Variants in ZYG11B observed in about 807,000 individuals in gnomAD.
The protein encoded by ZYG11B is protein zyg-11 homolog B.
In ZYG11B, 36 loss-of-function variants were observed where a neutral mutation model predicts 82.4. That is an observed-to-expected ratio of 0.44 (90% CI 0.33 to 0.58). The LOEUF (loss-of-function observed/expected upper bound fraction) is 0.58. Ranked by LOEUF, ZYG11B falls within the 20% of genes least tolerant of loss-of-function variation. The pLI is 0.02. For synonymous variants in ZYG11B, 303 were observed against 312.8 expected (o/e 0.97, Z 0.33); for missense variants, 552 against 895.6 (o/e 0.62, Z 4.90).
chr1:52,732,947 G>A (rs927666930), intron 1 of ZYG11B, among the ~76,000 whole-genome samples: 3 of 152,018 alleles, frequency 2.0e-5, no homozygotes, highest in African/African-American at 4.8e-5. Context: ...TTGCACTCCA[G>A]CCTGGGCAAA....
intron 13 of ZYG11B, among the ~76,000 whole-genome samples, chr1:52,820,314 G>T (rs1181660195): frequency 6.6e-6 from 1 of 151,384 alleles, no homozygotes; most frequent in African/African-American, 2.4e-5. Context: ...GGCTTATTTT[G>T]TTTATATTTA....
chr1:52,776,795 T>G (rs1414607874), intron 3 of ZYG11B, among the ~76,000 whole-genome samples: 2 of 152,172 alleles, frequency 1.3e-5, no homozygotes, highest in Non-Finnish European at 2.9e-5. Flanking sequence ...GGTGATTCAA[T>G]GAACTGAACA....
chr1:52,783,967 CATAT>C (rs200233269), intron 4 of ZYG11B, among the ~76,000 whole-genome samples: 1 of 75,218 alleles, frequency 1.3e-5, no homozygotes, highest in African/African-American at 3.4e-5. Flanking sequence ...CACATACACA[CATAT>C]ACACACACAC....
chr1:52,745,864 G>GTT lies in ZYG11B; in HGVS notation c.31-10587_31-10586dup, dbSNP rs11388141. Among the ~76,000 whole-genome samples, 20 of 150,852 alleles carry GTT rather than the reference G, an allele frequency of 1.3e-4. No homozygotes were observed. The East Asian group carries it at 2.6e-3, about 19-fold the overall frequency. On this transcript the variant is annotated intron_variant, in intron 1 of 13. Coordinates refer to ENST00000294353, the MANE Select transcript of ZYG11B (RefSeq NM_024646.3). ...CAGGTGTGAGCCACTGCATCCAGCT[G>GTT]TTTTTTTTGTTTTGTTTTGTTTTGA...
At position 52,783,985 on chromosome 1, in the gene ZYG11B, C is replaced by T. The variant is rs199671960; in HGVS notation, c.1093-892C>T. Among the ~76,000 whole-genome samples the T allele has an allele frequency of 5.7e-3, 830 of 146,220 alleles. 14 individuals are homozygous for T. Among genetic ancestry groups the T allele is most frequent in the African/African-American group, 0.02 (795 of 39,518 alleles). ...ATACACACATATACACACACACACA[C>T]ATATATATATATAGAGAGAGAGAGA... On this transcript the variant is annotated intron_variant, in intron 4 of 13. Transcript: ENST00000294353.
chr1:52,783,859 T>TACATACACGTGTGC (rs1473333135), intron 4 of ZYG11B, among the ~76,000 whole-genome samples: 69 of 55,416 alleles, frequency 1.2e-3, no homozygotes, highest in Middle Eastern at 9.1e-3. Flanking sequence ...CACGTGTGTG[T>TACATACACGTGTGC]GTATGTACAT....
rs539140922 is a variant in ZYG11B at position 52,823,543 on chromosome 1, G to A, written c.*1914G>A. The A allele has an allele frequency of 3.5e-5, 5 of 141,740 alleles. No individual in the cohort carries two copies. The highest frequency in any genetic ancestry group is 6.1e-5 in the Non-Finnish European group (4 of 65,930). The allele number at this position is 141,740 out of a possible 1,614,324, so 8.8% of individuals were successfully genotyped here. On this transcript the variant is annotated 3_prime_UTR_variant, in exon 14 of 14. Transcript: ENST00000294353. ...GTTTTTTTTTTTTTTTTCCTTTTTCGAATGTTAATGTCTAAGACAAAGTTC... is the reference window on the plus strand; with the variant it reads ...GTTTTTTTTTTTTTTTTCCTTTTTCAAATGTTAATGTCTAAGACAAAGTTC...
chr1:52,816,492 T>TATGGGATG (rs1432215341), intron 12 of ZYG11B, 40 bp from the exon 13 acceptor site: 2 of 1,390,678 alleles, frequency 1.4e-6, no homozygotes, highest in Non-Finnish European at 2.0e-6. Flanking sequence ...TTACGCTAAA[T>TATGGGATG]ATGGGATGTA....
intron 2 of ZYG11B, among the ~76,000 whole-genome samples, chr1:52,757,175 T>C (rs554221335): frequency 1.3e-5 from 2 of 151,990 alleles, no homozygotes; most frequent in Admixed American, 1.3e-4. Context: ...GCTTGGCTAA[T>C]TTTTTTATTT....
At chr1:52,748,056 TTAG>T (rs1306818721) in intron 1 of ZYG11B, among the ~76,000 whole-genome samples, 1 of 152,198 alleles carries the variant, frequency 6.6e-6, no homozygotes, top group Admixed American at 6.6e-5. Flanking sequence ...AATTATGATA[TTAG>T]TAGAGTAGTT....
At chr1:52,776,229 A>AAAAAATATATATATATATATATATATAT in intron 3 of ZYG11B, among the ~76,000 whole-genome samples, 10 of 23,538 alleles carry the variant, frequency 4.2e-4, no homozygotes, top group South Asian at 2.4e-3. Context: ...TAAAAAAAAA[A>AAAAAATATATATATATATATATATATAT]ATATATATAT....
chr1:52,756,657 T>C (rs755375699), intron 2 of ZYG11B, 34 bp downstream of exon 2: 1 of 1,582,398 alleles, frequency 6.3e-7, no homozygotes, highest in Non-Finnish European at 8.6e-7. Flanking sequence ...AAAAATTATG[T>C]GCTGTTAATT....
intron 3 of ZYG11B, among the ~76,000 whole-genome samples, chr1:52,776,219 T>TAAAAAAAAAA (rs1165031214): frequency 4.7e-5 from 2 of 42,490 alleles, no homozygotes; most frequent in African/African-American, 7.4e-5. Context: ...AACTCTGTCT[T>TAAAAAAAAAA]AAAAAAAAAA....
At chr1:52,772,238 T>C (rs1007490682) in intron 3 of ZYG11B, 5 of 1,363,388 alleles carry the variant, frequency 3.7e-6, no homozygotes, top group Non-Finnish European at 5.3e-6. Context: ...TATTTCCAAC[T>C]GGGAGGGAGG....
At chr1:52,783,788 T>TTATATATATATA (rs760749281) in intron 4 of ZYG11B, among the ~76,000 whole-genome samples, 21 of 51,468 alleles carry the variant, frequency 4.1e-4, no homozygotes, top group African/African-American at 2.1e-3. Context: ...ATGCCCAGCT[T>TTATATATATATA]TATATATATA....
At chr1:52,764,884 A>G (rs914316526) in intron 2 of ZYG11B, among the ~76,000 whole-genome samples, 2 of 152,190 alleles carry the variant, frequency 1.3e-5, no homozygotes, top group Admixed American at 1.3e-4. Flanking sequence ...GGCACTGCCC[A>G]GGAGTTCTGG....
At chr1:52,778,960 A>G (rs1344421821) in intron 3 of ZYG11B, among the ~76,000 whole-genome samples, 1 of 152,116 alleles carries the variant, frequency 6.6e-6, no homozygotes, top group Non-Finnish European at 1.5e-5. Flanking sequence ...TACAATGGTG[A>G]ATGGATCAAT....
intron 10 of ZYG11B, among the ~76,000 whole-genome samples, chr1:52,803,241 CACACACACATATATATATAT>C (rs1558140605): frequency 0.074 from 3,019 of 40,956 alleles, 268 homozygotes; most frequent in East Asian, 0.33. Flanking sequence ...TATATATATA[CACACACACATATATATATAT>C]ATATACACAC....
At chr1:52,752,677 C>T (rs946023991) in intron 1 of ZYG11B, among the ~76,000 whole-genome samples, 2 of 152,150 alleles carry the variant, frequency 1.3e-5, no homozygotes, top group African/African-American at 4.8e-5. Flanking sequence ...CTGGCACCTG[C>T]AGTGGGGACA....
Sources: gnomAD v4.1 joint callset for allele counts (sites outside exome capture counted in the v4.1 genomes callset) on GRCh38, gnomAD v4.1.1 for gene constraint, MANE v1.5 for transcripts, NCBI Gene and HGNC (gene_info 2026-07-23, HGNC 2026-07-21) for gene names.